The following KIF1B variants were observed in gnomAD, a reference collection of about 807,000 sequenced individuals.
The protein encoded by KIF1B is kinesin family member 1B, also known as kinesin-like protein KIF1B.
KIF1B carries 76 observed loss-of-function variants against 241.9 expected under a neutral mutation model. That is an observed-to-expected ratio of 0.31 (90% CI 0.26 to 0.38). The LOEUF (loss-of-function observed/expected upper bound fraction) is 0.38, where lower values mean the gene tolerates loss of function less well. Ranked by LOEUF, KIF1B falls within the 10% of genes least tolerant of loss-of-function variation. The pLI is 1.00. For synonymous variants in KIF1B, 750 were observed against 796.7 expected, an observed-to-expected ratio of 0.94 and a Z score of 0.99; for missense variants, 1,622 against 2,271.4, an observed-to-expected ratio of 0.71 and a Z score of 5.81.
intron 17 of KIF1B, 83 bp downstream of exon 17, chr1:10,292,205 G>A: frequency 2.0e-6 from 2 of 977,296 alleles, no homozygotes; most frequent in Non-Finnish European, 3.3e-6. Context: ...TGTCTTTCAG[G>A]ACCTACTCTC....
At chr1:10,223,546 G>GTTTTTTTTTT (rs113574017) in intron 1 of KIF1B, among the ~76,000 whole-genome samples, 75 of 131,244 alleles carry the variant, frequency 5.7e-4, no homozygotes, top group Middle Eastern at 3.9e-3. Context: ...GTTTTGTTTT[G>GTTTTTTTTTT]TTTTTTTTTT....
intron 23 of KIF1B, among the ~76,000 whole-genome samples, chr1:10,321,394 G>A (rs539133826): frequency 6.6e-6 from 1 of 152,180 alleles, no homozygotes; most frequent in East Asian, 1.9e-4. Flanking sequence ...GTGAGCCACT[G>A]TGCCTAGCCA....
At chr1:10,238,706 A>AAAC (rs146414281) in intron 2 of KIF1B, among the ~76,000 whole-genome samples, 2,978 of 150,662 alleles carry the variant, frequency 0.02, 30 homozygotes, top group African/African-American at 0.033. Context: ...CCCCATCCAA[A>AAAC]AACAACAACA....
In KIF1B at chr1:10,365,318, G is replaced by A. The variant is rs1358381073; in HGVS notation, c.4512+73G>A. The A allele has an allele frequency of 6.8e-6, 11 of 1,613,096 alleles. No homozygotes were observed. Among genetic ancestry groups the A allele is most frequent in the Non-Finnish European group, 9.3e-6 (11 of 1,179,490 alleles). On this transcript the variant is annotated intron_variant, in intron 42 of 48. Transcript: ENST00000676179. This position sits in a 1 kb window ranked among gnomAD's most constrained non-coding sequence, Gnocchi z 4.0. ...TGCCAAAGTATCAGTCTTCCTCCCC[G>A]CTGCTGCATGTGATCATAGCTTTTC...
chr1:10,230,324 G>A (rs182236669), intron 1 of KIF1B, among the ~76,000 whole-genome samples: 32 of 152,126 alleles, frequency 2.1e-4, no homozygotes, highest in African/African-American at 7.2e-4. Context: ...AATTGGATTC[G>A]TAATTACTTT....
rs145969842 is a variant in KIF1B at position 10,368,534 on chromosome 1, G to A, written c.4820G>A (p.Cys1607Tyr). 7.0e-5 allele frequency: 113 copies of A among 1,613,084 alleles called. 2 individuals carry two copies. The highest frequency in any genetic ancestry group is 4.9e-4 in the East Asian group (22 of 44,900). Residue 1607 changes from cysteine (C) to tyrosine (Y), a missense_variant, in exon 44 of 49, where the codon TGT becomes TAT. Coordinates refer to ENST00000676179, the MANE Select transcript of KIF1B (RefSeq NM_001365951.3). ...CAGGTGCACGGCAGCGTCAGTGACT[G>A]TAAGGTGAGCACATTGACTGTAATT... ...FSQVHGSVSD[C>Y]KLSDISPIGR...
intron 15 of KIF1B, among the ~76,000 whole-genome samples, chr1:10,286,293 G>T (rs749199371): frequency 2.6e-5 from 4 of 152,192 alleles, no homozygotes; most frequent in African/African-American, 9.7e-5. Flanking sequence ...GCCTGCCTCG[G>T]CCTCCCAAAG....
intron 2 of KIF1B, among the ~76,000 whole-genome samples, chr1:10,250,155 TATC>T (rs1647358402): frequency 6.6e-6 from 1 of 152,102 alleles, no homozygotes; most frequent in African/African-American, 2.4e-5. Context: ...AATGGAATAT[TATC>T]ATACCTACTG....
chr1:10,270,198 C>T (rs1200583710), intron 7 of KIF1B, among the ~76,000 whole-genome samples: 1 of 152,160 alleles, frequency 6.6e-6, no homozygotes, highest in Non-Finnish European at 1.5e-5. Context: ...AATTTTTATT[C>T]TCAAAAGTTG....
At chr1:10,223,839 C>T (rs187485380) in intron 1 of KIF1B, among the ~76,000 whole-genome samples, 59 of 151,998 alleles carry the variant, frequency 3.9e-4, no homozygotes, top group Admixed American at 9.8e-4. Flanking sequence ...CCACTGTGCC[C>T]GGCCTGAAGT....
At chr1:10,274,842 AT>A (rs869292142) in intron 10 of KIF1B, 2 of 258,944 alleles carry the variant, frequency 7.7e-6, no homozygotes, top group South Asian at 3.3e-5. Context: ...ATTATTGTTT[AT>A]TTTGGTAAGT....
intron 12 of KIF1B, among the ~76,000 whole-genome samples, chr1:10,277,586 C>T (rs1649185362): frequency 6.6e-6 from 1 of 152,118 alleles, no homozygotes; most frequent in South Asian, 2.1e-4. Context: ...TGATCCTCCC[C>T]ACTTGGCCTC....
Position 10,292,107 on chromosome 1 carries a change from T to C in KIF1B, c.1575T>C (p.Val525=). ...AIREDGGTLG[V]FSPKKTPHLV... ...GGGAAGATGGAGGAACCCTAGGGGT[T>C]TTCTCACCTAAAAAGGTAGGAAACA... Residue 525 remains valine (V), a synonymous_variant, in exon 17 of 49, where the codon GTT becomes GTC. Coordinates refer to ENST00000676179, the MANE Select transcript of KIF1B (RefSeq NM_001365951.3). The C allele has an allele frequency of 6.2e-7, 1 of 1,613,914 alleles. No homozygotes were observed. Among genetic ancestry groups the C allele is most frequent in the South Asian group, 1.1e-5 (1 of 91,086 alleles).
rs755794359 is a variant in KIF1B at position 10,238,381 on chromosome 1, CAA to C, written c.106+5966_106+5967del. On this transcript the variant is annotated intron_variant, in intron 2 of 48. Transcript: ENST00000676179. ...GGGCGACAAGAGCAAAACTTTGTCT[CAA>C]AAAAAAAAAAAAAAAAAATACAGAA... 4.1e-3 allele frequency among the ~76,000 whole-genome samples: 357 copies of C among 87,096 alleles called. 8 individuals carry two copies. The highest frequency in any genetic ancestry group is 5.2e-3 in the East Asian group (16 of 3,106). 57.1% of individuals were successfully genotyped at this position (87,096 alleles called of 152,430 possible).
intron 5 of KIF1B, among the ~76,000 whole-genome samples, chr1:10,262,898 GTAAT>G (rs1648227474): frequency 2.6e-5 from 4 of 152,106 alleles, no homozygotes; most frequent in African/African-American, 9.7e-5. Flanking sequence ...AACTTGGAAA[GTAAT>G]TATCCATCCT....
intron 31 of KIF1B, 134 bp from the exon 32 acceptor site, chr1:10,339,635 G>A: frequency 1.3e-6 from 1 of 767,264 alleles, no homozygotes; most frequent in East Asian, 2.7e-5. Context: ...TTCTTGACAA[G>A]GAAAGTAAAT....
rs201490175 is a variant in KIF1B at position 10,212,917 on chromosome 1, T to C, written c.-80+2039T>C. On this transcript the variant is annotated intron_variant, in intron 1 of 48. Coordinates refer to ENST00000676179, the MANE Select transcript of KIF1B (RefSeq NM_001365951.3). ...ATATATATATATATATATATATATA[T>C]ATATATATATATATACACACACACA... Among the ~76,000 whole-genome samples, 46 of 122,852 alleles carry C rather than the reference T, an allele frequency of 3.7e-4. 1 individual carries two copies. Among genetic ancestry groups the C allele is most frequent in the South Asian group, 4.9e-4 (2 of 4,120 alleles). 80.6% of individuals were successfully genotyped at this position (122,852 alleles called of 152,430 possible).
intron 3 of KIF1B, among the ~76,000 whole-genome samples, chr1:10,257,424 G>A (rs113081310): frequency 6.7e-6 from 1 of 150,230 alleles, no homozygotes; most frequent in African/African-American, 2.4e-5. Context: ...GCAGTGAGCC[G>A]AGATCGCACC....
At chr1:10,332,500 C>CTTTTTT (rs1557719332) in intron 27 of KIF1B, among the ~76,000 whole-genome samples, 2 of 97,840 alleles carry the variant, frequency 2.0e-5, no homozygotes, top group East Asian at 3.2e-4. Flanking sequence ...AGATAATAGT[C>CTTTTTT]ATTTTTTTTT....
Sources: allele counts gnomAD v4.1 joint callset (sites outside exome capture counted in the v4.1 genomes callset), GRCh38; gene constraint gnomAD v4.1.1; non-coding constraint Gnocchi (gnomAD v3.1); transcripts MANE v1.5; gene names NCBI Gene and HGNC (gene_info 2026-07-23, HGNC 2026-07-21).